The following FAM171A1 variants were observed in gnomAD, a reference collection of about 807,000 sequenced individuals.
FAM171A1 encodes protein FAM171A1.
FAM171A1 carries 23 observed loss-of-function variants against 74.9 expected under a neutral mutation model. That is an observed-to-expected ratio of 0.31 (90% confidence interval 0.22 to 0.44). The LOEUF is 0.44. Among genes scored for constraint, FAM171A1 ranks in the 20% least tolerant of loss-of-function variants. The pLI, the probability that FAM171A1 is intolerant of heterozygous loss-of-function variation, is 1.00. For missense variants in FAM171A1, 1,162 were observed against 1,159.2 expected (o/e 1.00, Z -0.03); for synonymous variants, 527 against 505.7 (o/e 1.04, Z -0.57).
intron 2 of FAM171A1, among the ~76,000 whole-genome samples, chr10:15,279,147 C>A (rs1239901010): frequency 6.6e-6 from 1 of 152,182 alleles, no homozygotes; most frequent in South Asian, 2.1e-4. Flanking sequence ...CTGTGATCAT[C>A]CCCTGAGAGG....
intron 1 of FAM171A1, among the ~76,000 whole-genome samples, chr10:15,334,728 A>C (rs187228289): frequency 6.6e-6 from 1 of 152,314 alleles, no homozygotes; most frequent in East Asian, 1.9e-4. Flanking sequence ...GAAACCCCAG[A>C]TCTTCTAAGG....
intron 3 of FAM171A1, among the ~76,000 whole-genome samples, chr10:15,267,365 G>A (rs1183795346): frequency 6.6e-6 from 1 of 152,098 alleles, no homozygotes. Context: ...AGCACTTTGG[G>A]AAGCTGAGGG....
Position 15,223,270 on chromosome 10 carries a change from G to A in FAM171A1, c.755-2210C>T, listed in dbSNP as rs74370321. On this transcript the variant is annotated intron_variant, in intron 5 of 7. Transcript: ENST00000378116. ...AATGTTTGCGACTGCTCCTACTCCC[G>A]CTCCAGGCTTGGCACCCGTTCAGCT... 2.7e-3 allele frequency among the ~76,000 whole-genome samples: 408 copies of A among 152,318 alleles called. 1 individual carries two copies. The highest frequency in any genetic ancestry group is 8.9e-3 in the African/African-American group (372 of 41,582).
At chr10:15,228,680 G>A (rs1033477887) in intron 5 of FAM171A1, among the ~76,000 whole-genome samples, 7 of 152,218 alleles carry the variant, frequency 4.6e-5, no homozygotes, top group Admixed American at 6.5e-5. Flanking sequence ...TTGTTAGCAT[G>A]TCAGACCTCA....
chr10:15,239,827 T>C (rs1210493470), intron 5 of FAM171A1, among the ~76,000 whole-genome samples: 1 of 152,238 alleles, frequency 6.6e-6, no homozygotes, highest in Admixed American at 6.5e-5. Flanking sequence ...ATATCCTTTA[T>C]CCAAGATGCT....
At chr10:15,366,758 T>C (rs1036981933) in intron 1 of FAM171A1, among the ~76,000 whole-genome samples, 1 of 152,272 alleles carries the variant, frequency 6.6e-6, no homozygotes, top group Non-Finnish European at 1.5e-5. Context: ...TTTATTTCCA[T>C]ATGTTTTCTT....
intron 5 of FAM171A1, among the ~76,000 whole-genome samples, chr10:15,242,561 T>A (rs554661782): frequency 1.1e-4 from 16 of 152,320 alleles, no homozygotes; most frequent in African/African-American, 3.4e-4. Context: ...CTGAGATGGA[T>A]CACTTGAGGC....
intron 3 of FAM171A1, among the ~76,000 whole-genome samples, chr10:15,261,341 C>A (rs920392069): frequency 6.6e-6 from 1 of 152,130 alleles, no homozygotes; most frequent in Non-Finnish European, 1.5e-5. Flanking sequence ...AGAATTGAGC[C>A]AGTAATCTTG....
chr10:15,289,411 C>T (rs1450863405), intron 1 of FAM171A1, among the ~76,000 whole-genome samples: 1 of 152,164 alleles, frequency 6.6e-6, no homozygotes, highest in Non-Finnish European at 1.5e-5. Flanking sequence ...CAGACTGGGA[C>T]ATCCTTTTCT....
chr10:15,372,558 C>T (rs1588577603), upstream of FAM171A1, among the ~76,000 whole-genome samples: 3 of 151,734 alleles, frequency 2.0e-5, no homozygotes, highest in Admixed American at 2.0e-4. Flanking sequence ...ATTAACCAGG[C>T]ATAGTGGCCC....
At chr10:15,370,931 C>G (rs1278294163) in intron 1 of FAM171A1, 25 bp downstream of exon 1, 25 of 1,115,780 alleles carry the variant, frequency 2.2e-5, no homozygotes, top group Admixed American at 7.1e-5. Context: ...ACACAAAGCC[C>G]CCGGCCCCGC....
At chr10:15,303,767 T>C (rs1304179475) in intron 1 of FAM171A1, among the ~76,000 whole-genome samples, 3 of 152,204 alleles carry the variant, frequency 2.0e-5, no homozygotes, top group Non-Finnish European at 2.9e-5. Context: ...TACCAAATAA[T>C]CACTTGGCTC....
chr10:15,228,075 G>T (rs188334581), intron 5 of FAM171A1, among the ~76,000 whole-genome samples: 1 of 152,056 alleles, frequency 6.6e-6, no homozygotes, highest in Admixed American at 6.6e-5. Flanking sequence ...TATGAAAAAC[G>T]GCCCAAAACA....
chr10:15,268,964 C>A (rs2131789395), intron 3 of FAM171A1, among the ~76,000 whole-genome samples: 2 of 152,242 alleles, frequency 1.3e-5, no homozygotes, highest in East Asian at 3.9e-4. Flanking sequence ...ATCACTTGGA[C>A]CTGGGAGGCG....
intron 1 of FAM171A1, among the ~76,000 whole-genome samples, chr10:15,361,308 C>A (rs1451194412): frequency 6.6e-6 from 1 of 152,170 alleles, no homozygotes; most frequent in Non-Finnish European, 1.5e-5. Flanking sequence ...CACACCACAA[C>A]CACACTCAAA....
chr10:15,343,308 A>G (rs1835785579), intron 1 of FAM171A1, among the ~76,000 whole-genome samples: 1 of 152,158 alleles, frequency 6.6e-6, no homozygotes, highest in Non-Finnish European at 1.5e-5. Context: ...GTTCGAGGCT[A>G]TAGTGAGCTA....
At chr10:15,311,641 G>A (rs568775428) in intron 1 of FAM171A1, among the ~76,000 whole-genome samples, 4 of 151,548 alleles carry the variant, frequency 2.6e-5, no homozygotes, top group African/African-American at 7.3e-5. Context: ...GTTTCTTCCC[G>A]CCCCACAGCC....
intron 1 of FAM171A1, among the ~76,000 whole-genome samples, chr10:15,348,141 C>G (rs959907230): frequency 6.7e-6 from 1 of 150,340 alleles, no homozygotes; most frequent in Non-Finnish European, 1.5e-5. Flanking sequence ...CCATTCCCGG[C>G]TAATTTTTTG....
chr10:15,336,040 T>C (rs749724817), intron 1 of FAM171A1, among the ~76,000 whole-genome samples: 17 of 152,156 alleles, frequency 1.1e-4, no homozygotes, highest in Non-Finnish European at 1.9e-4. Flanking sequence ...ATACAGCATG[T>C]GGTGTCAGAG....
Sources: allele counts gnomAD v4.1 joint callset (sites outside exome capture counted in the v4.1 genomes callset), GRCh38; gene constraint gnomAD v4.1.1; transcripts MANE v1.5; gene names NCBI Gene and HGNC (gene_info 2026-07-23, HGNC 2026-07-21).